ITGA9: variants seen among roughly 807,000 people sequenced by gnomAD.
ITGA9 encodes the protein integrin alpha-9.
A neutral mutation model predicts 127.8 loss-of-function variants in ITGA9; 56 were observed. The observed-to-expected ratio is 0.44, with a 90% CI of 0.35 to 0.55. The LOEUF (loss-of-function observed/expected upper bound fraction) is 0.55, where lower values mean the gene tolerates loss of function less well. ITGA9 is among the 20% of genes least tolerant of loss of function. The probability of loss-of-function intolerance (pLI) is 0.00; values close to 1 mark genes in which losing one functional copy is unlikely to be tolerated. For missense variants in ITGA9, 1,196 were observed against 1,347.1 expected (o/e 0.89, Z 1.76); for synonymous variants, 508 against 514.5 (o/e 0.99, Z 0.17).
At chr3:37,791,682 G>A (rs1697112265) in intron 26 of ITGA9, among the ~76,000 whole-genome samples, 1 of 152,178 alleles carries the variant, frequency 6.6e-6, no homozygotes, top group Non-Finnish European at 1.5e-5. Flanking sequence ...AAGAAGGGCT[G>A]GTGCATAGCT....
chr3:37,522,555 G>C (rs542712901), intron 11 of ITGA9, among the ~76,000 whole-genome samples: 1 of 151,834 alleles, frequency 6.6e-6, no homozygotes, highest in African/African-American at 2.4e-5. Flanking sequence ...GCGAGACCCC[G>C]TCTGACAAAA....
chr3:37,619,402 T>C (rs1223714974), intron 15 of ITGA9, among the ~76,000 whole-genome samples: 3 of 151,914 alleles, frequency 2.0e-5, no homozygotes, highest in Non-Finnish European at 4.4e-5. Context: ...ATTGGGGGAG[T>C]GCTCTCAGAA....
intron 15 of ITGA9, among the ~76,000 whole-genome samples, chr3:37,544,692 A>C (rs1699308747): frequency 6.6e-6 from 1 of 152,184 alleles, no homozygotes; most frequent in South Asian, 2.1e-4. Flanking sequence ...TAGGGAGAGC[A>C]AAAGAGCAGG....
intron 4 of ITGA9, among the ~76,000 whole-genome samples, chr3:37,492,423 G>T (rs77224426): frequency 7.5e-4 from 114 of 152,368 alleles, no homozygotes; most frequent in Non-Finnish European, 1.0e-3. Flanking sequence ...GCCTTTAAGG[G>T]CTTCCCCTTG....
At chr3:37,605,883 C>G (rs1413268520) in intron 15 of ITGA9, among the ~76,000 whole-genome samples, 1 of 152,036 alleles carries the variant, frequency 6.6e-6, no homozygotes, top group Non-Finnish European at 1.5e-5. Flanking sequence ...ATGATTAAAC[C>G]CTTTTTTTTT....
rs1391274403 is a variant in ITGA9, at chr3:37,777,602, TA to T, written c.2667+88del. 3 of 1,485,404 alleles carry T rather than the reference TA, an allele frequency of 2.0e-6. No individual in the cohort carries two copies. The African/African-American group carries it at 4.2e-5, about 21-fold the overall frequency. 92.0% of individuals were successfully genotyped at this position (1,485,404 alleles called of 1,614,324 possible). A position where few individuals can be genotyped will look rare whatever the true frequency, so the allele number is the denominator to read the frequency against. ...TTTCTATTTGATATTTATTATTTCC[TA>T]AATCTGGTTTTAATCAATTTGACTT... On this transcript the variant is annotated intron_variant, in intron 24 of 27. Transcript: ENST00000264741.
At chr3:37,490,971 C>A (rs1353287609) in intron 4 of ITGA9, among the ~76,000 whole-genome samples, 2 of 136,392 alleles carry the variant, frequency 1.5e-5, no homozygotes. Context: ...TGGCTTCCCC[C>A]CCGCTTTTTT....
At chr3:37,536,207 C>G (rs903563548) in intron 14 of ITGA9, among the ~76,000 whole-genome samples, 5 of 152,236 alleles carry the variant, frequency 3.3e-5, no homozygotes, top group African/African-American at 1.2e-4. Flanking sequence ...GCCTCAGGAA[C>G]CCACAGCTGA....
intron 15 of ITGA9, among the ~76,000 whole-genome samples, chr3:37,605,628 T>C (rs1302663796): frequency 6.6e-6 from 1 of 152,182 alleles, no homozygotes; most frequent in Non-Finnish European, 1.5e-5. Context: ...AAATAAGTAT[T>C]CGTAAAGTCC....
chr3:37,679,125 A>G (rs1334450714), intron 17 of ITGA9, among the ~76,000 whole-genome samples: 2 of 152,058 alleles, frequency 1.3e-5, no homozygotes, highest in African/African-American at 4.8e-5. Context: ...TATGTTGACT[A>G]CTAATAATGA....
intron 18 of ITGA9, among the ~76,000 whole-genome samples, chr3:37,687,599 A>G (rs1424203312): frequency 6.6e-6 from 1 of 152,238 alleles, no homozygotes; most frequent in South Asian, 2.1e-4. Flanking sequence ...GGATATGAAA[A>G]TGATACTATT....
chr3:37,553,060 A>C (rs1225574111), intron 15 of ITGA9, among the ~76,000 whole-genome samples: 1 of 152,112 alleles, frequency 6.6e-6, no homozygotes, highest in Non-Finnish European at 1.5e-5. Context: ...GCAGTCTTAC[A>C]AAAAAGTCAT....
rs548882502 is a variant in ITGA9, at chr3:37,813,422, T to C, written c.3010-5469T>C. On this transcript the variant is annotated intron_variant, in intron 27 of 27. Coordinates refer to ENST00000264741, the MANE Select transcript of ITGA9 (RefSeq NM_002207.3). ...ATATTTTATCTTTAGCCATTATCTTTAGTTGAAGTCATTATCTTTACTTAA... is the reference window on the plus strand; with the variant it reads ...ATATTTTATCTTTAGCCATTATCTTCAGTTGAAGTCATTATCTTTACTTAA... 2.6e-5 allele frequency among the ~76,000 whole-genome samples: 4 copies of C among 152,358 alleles called. No homozygotes were observed. In the South Asian group the frequency reaches 8.3e-4, roughly 32 times the overall value.
At chr3:37,469,038 G>A (rs973986816) in intron 1 of ITGA9, among the ~76,000 whole-genome samples, 1 of 152,198 alleles carries the variant, frequency 6.6e-6, no homozygotes, top group Non-Finnish European at 1.5e-5. Flanking sequence ...TCTGTTGACT[G>A]CTTTCCGGAA....
At chr3:37,718,450 C>T (rs545231684) in intron 18 of ITGA9, among the ~76,000 whole-genome samples, 58 of 152,284 alleles carry the variant, frequency 3.8e-4, no homozygotes, top group Admixed American at 1.3e-4. Flanking sequence ...CAGTCCTCAC[C>T]AGCATAAGAA....
chr3:37,674,958 G>A (rs931669271), intron 17 of ITGA9, among the ~76,000 whole-genome samples: 6 of 152,196 alleles, frequency 3.9e-5, no homozygotes, highest in Non-Finnish European at 7.3e-5. Context: ...GTAATTCAGA[G>A]ATATTCAGAT....
At chr3:37,655,568 A>G (rs1044002986) in intron 17 of ITGA9, among the ~76,000 whole-genome samples, 1 of 151,786 alleles carries the variant, frequency 6.6e-6, no homozygotes, top group African/African-American at 2.4e-5. Flanking sequence ...AATTTGTTTT[A>G]GTTCTTTGTA....
At chr3:37,816,719 A>G (rs1458739301) in intron 27 of ITGA9, among the ~76,000 whole-genome samples, 1 of 152,204 alleles carries the variant, frequency 6.6e-6, no homozygotes, top group Non-Finnish European at 1.5e-5. Flanking sequence ...TGGGGGCGTC[A>G]GAACATGGCA....
chr3:37,468,334 G>A (rs758275774), intron 1 of ITGA9, among the ~76,000 whole-genome samples: 5 of 152,030 alleles, frequency 3.3e-5, no homozygotes, highest in African/African-American at 4.8e-5. Flanking sequence ...AGTGAGGGGT[G>A]GGTCTCCCTG....
Sources: allele counts gnomAD v4.1 joint callset (sites outside exome capture counted in the v4.1 genomes callset), GRCh38; gene constraint gnomAD v4.1.1; transcripts MANE v1.5; gene names NCBI Gene and HGNC (gene_info 2026-07-23, HGNC 2026-07-21).